Variants in GALNTL6 observed in about 807,000 individuals in gnomAD.
The protein encoded by GALNTL6 is polypeptide N-acetylgalactosaminyltransferase like 6, also known as polypeptide N-acetylgalactosaminyltransferase-like 6.
A neutral mutation model predicts 73.7 loss-of-function variants in GALNTL6; 46 were observed. That is an observed-to-expected ratio of 0.62 (90% confidence interval 0.49 to 0.80). The LOEUF (loss-of-function observed/expected upper bound fraction) is 0.80. Among genes scored for constraint, GALNTL6 ranks in the 30% least tolerant of loss-of-function variants. GALNTL6 has a pLI of 0.00. For synonymous variants in GALNTL6, 259 were observed against 263.7 expected (o/e 0.98, Z 0.17); for missense variants, 604 against 755.0 (o/e 0.80, Z 2.34).
In GALNTL6 at chr4:172,942,931, G is replaced by T. The variant is rs188569826; in HGVS notation, c.1150-9106G>T. On this transcript the variant is annotated intron_variant, in intron 9 of 12. Coordinates refer to ENST00000506823, the MANE Select transcript of GALNTL6 (RefSeq NM_001034845.3). ...TGTGTTTCTGTGGTCTCTCTTCAAC[G>T]GTTCCAGCTTCTGATTATCTCCACT... Among the ~76,000 whole-genome samples the T allele has an allele frequency of 8.5e-5, 13 of 152,076 alleles. No individual in the cohort carries two copies. The East Asian group carries it at 2.5e-3, about 29-fold the overall frequency.
chr4:172,550,836 T>C (rs1735929700), intron 5 of GALNTL6, among the ~76,000 whole-genome samples: 1 of 152,198 alleles, frequency 6.6e-6, no homozygotes, highest in African/African-American at 2.4e-5. Context: ...ATTGTTCATG[T>C]TTTTTCAAGA....
At chr4:172,769,895 A>G (rs1374914085) in intron 5 of GALNTL6, among the ~76,000 whole-genome samples, 2 of 152,320 alleles carry the variant, frequency 1.3e-5, no homozygotes, top group Non-Finnish European at 2.9e-5. Context: ...AACTGCTAAA[A>G]CAACTATTTA....
intron 5 of GALNTL6, among the ~76,000 whole-genome samples, chr4:172,750,125 T>C (rs1457822187): frequency 1.3e-5 from 2 of 152,204 alleles, no homozygotes; most frequent in Admixed American, 1.3e-4. Flanking sequence ...GGTCTTCAGA[T>C]TTCTGGTACA....
intron 2 of GALNTL6, among the ~76,000 whole-genome samples, chr4:171,968,573 A>G (rs796459825): frequency 6.6e-6 from 1 of 152,118 alleles, no homozygotes; most frequent in African/African-American, 2.4e-5. Context: ...CAAAGACCCT[A>G]TTTCCAAATA....
chr4:172,337,113 T>G (rs1741360426), intron 4 of GALNTL6, among the ~76,000 whole-genome samples: 1 of 152,172 alleles, frequency 6.6e-6, no homozygotes, highest in South Asian at 2.1e-4. Context: ...GTTTTCCATT[T>G]GTGTAATAGA....
At chr4:171,945,521 C>G (rs1417243610) in intron 2 of GALNTL6, among the ~76,000 whole-genome samples, 1 of 152,084 alleles carries the variant, frequency 6.6e-6, no homozygotes, top group African/African-American at 2.4e-5. Flanking sequence ...GTCTATTGAT[C>G]AATCTATTCG....
At chr4:172,438,052 A>G (rs1424968844) in intron 5 of GALNTL6, among the ~76,000 whole-genome samples, 6 of 151,924 alleles carry the variant, frequency 3.9e-5, no homozygotes. Context: ...TTCTCCCACT[A>G]TTTCTACTAA....
intron 5 of GALNTL6, among the ~76,000 whole-genome samples, chr4:172,788,008 T>A (rs2110918618): frequency 6.6e-6 from 1 of 152,334 alleles, no homozygotes; most frequent in East Asian, 1.9e-4. Context: ...ATATTTTTAT[T>A]AGTTTATCTG....
chr4:172,860,262 A>G (rs967021468), intron 7 of GALNTL6, among the ~76,000 whole-genome samples: 4 of 152,224 alleles, frequency 2.6e-5, no homozygotes, highest in Admixed American at 2.6e-4. Context: ...AATACTTATG[A>G]TCTGCAGCAT....
chr4:172,491,777 G>A (rs1427332934), intron 5 of GALNTL6, among the ~76,000 whole-genome samples: 1 of 152,030 alleles, frequency 6.6e-6, no homozygotes, highest in East Asian at 1.9e-4. Context: ...TCTTCAGATT[G>A]TTAAGGAAAA....
At chr4:172,101,725 A>G (rs1361733111) in intron 2 of GALNTL6, among the ~76,000 whole-genome samples, 1 of 152,122 alleles carries the variant, frequency 6.6e-6, no homozygotes, top group Non-Finnish European at 1.5e-5. Context: ...AACAATTTAT[A>G]TTAACATTTA....
intron 5 of GALNTL6, among the ~76,000 whole-genome samples, chr4:172,745,446 T>TATATACACACAC (rs34523518): frequency 6.2e-5 from 9 of 145,244 alleles, no homozygotes; most frequent in Non-Finnish European, 9.0e-5. Flanking sequence ...TATATATATG[T>TATATACACACAC]ACACATAACT....
intron 7 of GALNTL6, among the ~76,000 whole-genome samples, chr4:172,817,829 G>A (rs959577008): frequency 1.3e-5 from 2 of 152,162 alleles, no homozygotes; most frequent in South Asian, 2.1e-4. Context: ...AAAGATAGTC[G>A]TTTCTGTTAG....
intron 5 of GALNTL6, among the ~76,000 whole-genome samples, chr4:172,597,605 G>C (rs1181965027): frequency 6.6e-6 from 1 of 152,096 alleles, no homozygotes; most frequent in Non-Finnish European, 1.5e-5. Context: ...TTCTAGTCAG[G>C]TAGGATTTGA....
chr4:172,055,280 G>T (rs1438614635), intron 2 of GALNTL6, among the ~76,000 whole-genome samples: 1 of 152,080 alleles, frequency 6.6e-6, no homozygotes, highest in Non-Finnish European at 1.5e-5. Flanking sequence ...GAAAGAATCA[G>T]GCTATTTTAA....
At chr4:173,001,602 T>C (rs549591974) in intron 10 of GALNTL6, among the ~76,000 whole-genome samples, 41 of 152,290 alleles carry the variant, frequency 2.7e-4, no homozygotes, top group African/African-American at 9.6e-4. Flanking sequence ...GGATAAAATA[T>C]TTACAAGTCA....
intron 5 of GALNTL6, among the ~76,000 whole-genome samples, chr4:172,755,176 C>G (rs1456817833): frequency 6.6e-6 from 1 of 151,718 alleles, no homozygotes; most frequent in Non-Finnish European, 1.5e-5. Flanking sequence ...AGGATTGAAT[C>G]ATTCAAGGAT....
intron 4 of GALNTL6, among the ~76,000 whole-genome samples, chr4:172,316,368 T>C (rs1740541398): frequency 6.6e-6 from 1 of 152,234 alleles, no homozygotes; most frequent in Non-Finnish European, 1.5e-5. Flanking sequence ...CTAAGGTGGC[T>C]GAGTAGCTGG....
chr4:172,539,875 TTATATATATA>T lies in GALNTL6; in HGVS notation c.553+191209_553+191218del, dbSNP rs10589603. Among the ~76,000 whole-genome samples, 262 of 126,652 alleles carry T rather than the reference TTATATATATA, an allele frequency of 2.1e-3. 1 individual carries two copies. Among genetic ancestry groups the T allele is most frequent in the African/African-American group, 6.1e-3 (203 of 33,284 alleles). The allele number at this position is 126,652 out of a possible 152,430, so 83.1% of individuals were successfully genotyped here. On this transcript the variant is annotated intron_variant, in intron 5 of 12. Coordinates refer to ENST00000506823, the MANE Select transcript of GALNTL6 (RefSeq NM_001034845.3). ...CATATATATATGATTATACATATGATTATATATATATATATATATATATATATATATAAAA... is the reference window on the plus strand; with the variant it reads ...CATATATATATGATTATACATATGATTATATATATATATATATATATAAAA...
Sources: allele counts gnomAD v4.1 joint callset (sites outside exome capture counted in the v4.1 genomes callset), GRCh38; gene constraint gnomAD v4.1.1; transcripts MANE v1.5; gene names NCBI Gene and HGNC (gene_info 2026-07-23, HGNC 2026-07-21).